Variants in ITPR1 observed in about 807,000 individuals in gnomAD.
The protein encoded by ITPR1 is inositol 1,4,5-trisphosphate receptor type 1, also known as inositol 1,4,5-trisphosphate-gated calcium channel ITPR1.
In ITPR1, 96 loss-of-function variants were observed where a neutral mutation model predicts 318.4. The ratio of observed to expected loss-of-function variants is 0.30; its 90% CI spans 0.26 to 0.36. The LOEUF (loss-of-function observed/expected upper bound fraction) is 0.36, where lower values mean the gene tolerates loss of function less well. ITPR1 is among the 10% of genes least tolerant of loss of function. The probability of loss-of-function intolerance (pLI) is 1.00; values close to 1 mark genes in which losing one functional copy is unlikely to be tolerated. For missense variants in ITPR1, 2,440 were observed against 3,460.2 expected (o/e 0.71, Z 7.40); for synonymous variants, 1,312 against 1,289.9 (o/e 1.02, Z -0.37).
chr3:4,565,534 A>G (rs573823601), intron 4 of ITPR1, among the ~76,000 whole-genome samples: 2 of 152,146 alleles, frequency 1.3e-5, no homozygotes, highest in Admixed American at 6.5e-5. Context: ...AGTTAAATTA[A>G]ATTTTGCCTC....
At chr3:4,655,854 GC>G (rs1243886139) in intron 12 of ITPR1, among the ~76,000 whole-genome samples, 3 of 152,140 alleles carry the variant, frequency 2.0e-5, no homozygotes, top group Non-Finnish European at 4.4e-5. Flanking sequence ...CTTACCCGAC[GC>G]CCACACGGCC....
chr3:4,664,528 C>T (rs2093905257), intron 16 of ITPR1, among the ~76,000 whole-genome samples: 1 of 152,216 alleles, frequency 6.6e-6, no homozygotes, highest in Admixed American at 6.5e-5. Flanking sequence ...TATTAACAAT[C>T]CATCTTGTTT....
At chr3:4,616,232 T>C (rs994608855) in intron 4 of ITPR1, among the ~76,000 whole-genome samples, 6 of 152,230 alleles carry the variant, frequency 3.9e-5, no homozygotes, top group Admixed American at 3.3e-4. Context: ...CATTTATTAA[T>C]TGATCCTGTG....
chr3:4,645,843 T>TG, intron 10 of ITPR1, 115 bp downstream of exon 10: 1 of 856,590 alleles, frequency 1.2e-6, no homozygotes, highest in Non-Finnish European at 1.9e-6. Context: ...TATGTGTCTA[T>TG]ACACCCACAT....
intron 25 of ITPR1, 93 bp downstream of exon 25, chr3:4,680,784 A>G: frequency 8.3e-7 from 1 of 1,198,310 alleles, no homozygotes; most frequent in Non-Finnish European, 1.2e-6. Flanking sequence ...AAAAAGGGTG[A>G]AAATGGTTTT....
intron 38 of ITPR1, chr3:4,711,537 A>G (rs2041371617): frequency 3.8e-6 from 2 of 531,612 alleles, no homozygotes; most frequent in South Asian, 2.5e-5. Context: ...ACTCCTGCCC[A>G]GTGAGCCTGT....
chr3:4,725,470 G>A, intron 40 of ITPR1, 76 bp from the exon 41 acceptor site: 2 of 1,211,852 alleles, frequency 1.7e-6, no homozygotes, highest in Non-Finnish European at 1.2e-6. Context: ...GTCCTTGAGT[G>A]TTGGTCTCTG....
chr3:4,768,911 C>CTTTTTTTT (rs201819900), intron 46 of ITPR1, 147 bp downstream of exon 46: 2 of 675,658 alleles, frequency 3.0e-6, no homozygotes, highest in Admixed American at 3.4e-5. Flanking sequence ...TTTCTTTTTT[C>CTTTTTTTT]TTTTTTCTTT....
chr3:4,741,979 T>G lies in ITPR1; in HGVS notation c.5544+6625T>G, dbSNP rs560432704. Among the ~76,000 whole-genome samples the G allele has an allele frequency of 3.9e-5, 6 of 152,088 alleles. No individual in the cohort carries two copies. In the East Asian group the frequency reaches 1.2e-3, roughly 30 times the overall value. On this transcript the variant is annotated intron_variant, in intron 44 of 61. Transcript: ENST00000649015. ...CGTGGGGGTTCGAGAGCTGTTGGCA[T>G]TAAAGAAAGAGGGAGGCAGTGACTT...
chr3:4,617,944 C>T (rs903086313), intron 4 of ITPR1, among the ~76,000 whole-genome samples: 3 of 149,648 alleles, frequency 2.0e-5, no homozygotes, highest in Non-Finnish European at 4.4e-5. Context: ...ATGATGGTGC[C>T]ACTGAACTCC....
At chr3:4,813,547 G>A (rs1358560868) in intron 57 of ITPR1, among the ~76,000 whole-genome samples, 3 of 152,136 alleles carry the variant, frequency 2.0e-5, no homozygotes, top group Non-Finnish European at 4.4e-5. Context: ...CCCAATGCTG[G>A]GAATAAGGAT....
chr3:4,705,588 C>T (rs1449133075), intron 36 of ITPR1, among the ~76,000 whole-genome samples: 1 of 152,214 alleles, frequency 6.6e-6, no homozygotes, highest in Non-Finnish European at 1.5e-5. Context: ...TTGACAAGTA[C>T]TAGTCAGGAG....
chr3:4,637,641 T>C (rs962439175), intron 5 of ITPR1, among the ~76,000 whole-genome samples: 2 of 152,228 alleles, frequency 1.3e-5, no homozygotes, highest in Non-Finnish European at 2.9e-5. Context: ...GAATGGGCTG[T>C]TGTTTTAAAG....
chr3:4,751,054 T>C (rs934120643), intron 44 of ITPR1: 6 of 152,772 alleles, frequency 3.9e-5, no homozygotes, highest in African/African-American at 1.4e-4. Flanking sequence ...GTGAAGTCTG[T>C]TGCTAGTTGG....
chr3:4,831,207 G>C (rs995126358), intron 60 of ITPR1: 14 of 360,712 alleles, frequency 3.9e-5, no homozygotes, highest in Non-Finnish European at 7.1e-5. Flanking sequence ...CATTTCAAGA[G>C]GTTGGTCAGT....
intron 57 of ITPR1, among the ~76,000 whole-genome samples, chr3:4,813,641 C>G (rs2049086148): frequency 6.6e-6 from 1 of 152,066 alleles, no homozygotes; most frequent in Non-Finnish European, 1.5e-5. Flanking sequence ...AAAGGAGACT[C>G]TTGATATTCC....
intron 12 of ITPR1, 132 bp downstream of exon 12, chr3:4,654,018 A>T: frequency 1.6e-6 from 1 of 632,202 alleles, no homozygotes; most frequent in South Asian, 2.0e-5. Flanking sequence ...CCCTTAAAAC[A>T]CGATCATGTT....
In ITPR1 at chr3:4,663,186, G is replaced by C; in HGVS notation, c.1534G>C (p.Glu512Gln). 1 of 1,612,978 alleles carries C rather than the reference G, an allele frequency of 6.2e-7. No individual in the cohort carries two copies. The highest frequency in any genetic ancestry group is 8.5e-7 in the Non-Finnish European group (1 of 1,179,314). The change falls in exon 16 of 62, where the codon GAA becomes CAA. Residue 512 changes from glutamate (E) to glutamine (Q), a missense_variant. Around this residue, in one of 23 missense-constraint regions of ITPR1, gnomAD observed 478 missense variants for 696.3 expected, o/e 0.69. Coordinates refer to ENST00000649015, the MANE Select transcript of ITPR1 (RefSeq NM_001378452.1). ...PNRERQKLMR[E>Q]QNILKQIFKL... ...CAGAGAACGGCAGAAACTGATGAGA[G>C]AACAGAATATTCTCAAGCAGGTCGG...
intron 5 of ITPR1, among the ~76,000 whole-genome samples, chr3:4,629,029 C>T (rs2092929506): frequency 6.6e-6 from 1 of 152,082 alleles, no homozygotes; most frequent in South Asian, 2.1e-4. Context: ...CCAGGCTCCT[C>T]ACCTCAGGGA....
Sources: gnomAD v4.1 joint callset for allele counts (sites outside exome capture counted in the v4.1 genomes callset) on GRCh38, gnomAD v4.1.1 for gene constraint, gnomAD v4.1.1 regional missense constraint, MANE v1.5 for transcripts, NCBI Gene and HGNC (gene_info 2026-07-23, HGNC 2026-07-21) for gene names.